HIVEP3: variants seen among roughly 807,000 people sequenced by gnomAD.
HIVEP3 encodes HIVEP zinc finger 3.
In HIVEP3, 49 loss-of-function variants were observed where a neutral mutation model predicts 152.8. The ratio of observed to expected loss-of-function variants is 0.32; its 90% CI spans 0.26 to 0.41. The LOEUF (loss-of-function observed/expected upper bound fraction) is 0.41. Among genes scored for constraint, HIVEP3 ranks in the 10% least tolerant of loss-of-function variants. The pLI is 1.00. For synonymous variants in HIVEP3, 1,269 were observed against 1,289.0 expected, an observed-to-expected ratio of 0.98 and a Z score of 0.33; for missense variants, 2,790 against 3,103.3, an observed-to-expected ratio of 0.90 and a Z score of 2.40.
intron 2 of HIVEP3, among the ~76,000 whole-genome samples, chr1:41,639,630 G>A (rs1430223097): frequency 6.6e-6 from 1 of 151,998 alleles, no homozygotes; most frequent in Non-Finnish European, 1.5e-5. Flanking sequence ...GGGGTTTGGG[G>A]TTGGCTCTGT....
chr1:41,953,062 G>C (rs1414942666), intron 1 of HIVEP3, among the ~76,000 whole-genome samples: 1 of 152,120 alleles, frequency 6.6e-6, no homozygotes, highest in Non-Finnish European at 1.5e-5. Context: ...CACTGCTCCT[G>C]GTTATGGGCT....
chr1:41,776,431 A>G (rs975659269), intron 1 of HIVEP3, among the ~76,000 whole-genome samples: 2 of 152,248 alleles, frequency 1.3e-5, no homozygotes, highest in Non-Finnish European at 2.9e-5. Flanking sequence ...CTCTGGGGGC[A>G]GGGTCAGGCT....
chr1:41,724,191 C>T lies in HIVEP3; in HGVS notation c.-800-23196G>A, dbSNP rs958856060. On this transcript the variant is annotated intron_variant, in intron 1 of 8. Transcript: ENST00000372583. Reference sequence around the variant, plus strand: ...CACTATCCACTGTCACCTTCCGAAGCCACTCCAAATGAGCAAACATAAACT... The same window carrying T: ...CACTATCCACTGTCACCTTCCGAAGTCACTCCAAATGAGCAAACATAAACT... Among the ~76,000 whole-genome samples the T allele has an allele frequency of 2.6e-5, 4 of 152,178 alleles. No homozygotes were observed. In the East Asian group the frequency reaches 7.7e-4, roughly 29 times the overall value.
chr1:41,613,989 C>G (rs112147695), intron 3 of HIVEP3, among the ~76,000 whole-genome samples: 3,876 of 152,318 alleles, frequency 0.025, 69 homozygotes, highest in Middle Eastern at 0.054. Flanking sequence ...TCAGTGTTTC[C>G]TGGTGTTTCT....
At chr1:41,788,287 G>A (rs1042441329) in intron 1 of HIVEP3, among the ~76,000 whole-genome samples, 8 of 152,182 alleles carry the variant, frequency 5.3e-5, no homozygotes, top group South Asian at 2.1e-4. Context: ...TGGTCCCTGC[G>A]GCTAATGGTC....
At chr1:41,946,461 T>C (rs1396580929) in intron 1 of HIVEP3, among the ~76,000 whole-genome samples, 1 of 152,184 alleles carries the variant, frequency 6.6e-6, no homozygotes, top group Non-Finnish European at 1.5e-5. Context: ...TCTGTCACTA[T>C]CCGAGGGGGT....
intron 1 of HIVEP3, among the ~76,000 whole-genome samples, chr1:41,966,083 T>C (rs1410193984): frequency 6.6e-6 from 1 of 152,166 alleles, no homozygotes; most frequent in Non-Finnish European, 1.5e-5. Context: ...TTCAACATTC[T>C]TAAAGAAAAG....
intron 2 of HIVEP3, among the ~76,000 whole-genome samples, chr1:41,666,521 A>C (rs1645798665): frequency 6.6e-6 from 1 of 152,210 alleles, no homozygotes; most frequent in Non-Finnish European, 1.5e-5. Context: ...TTCAGTGTAC[A>C]AAATAGTAGG....
intron 1 of HIVEP3, among the ~76,000 whole-genome samples, chr1:41,877,679 AG>A (rs11316275): frequency 0.79 from 119,558 of 151,968 alleles, 47,409 homozygotes; most frequent in East Asian, 1. Flanking sequence ...TGGGTTTCAT[AG>A]GTCAATGGTT....
intron 1 of HIVEP3, among the ~76,000 whole-genome samples, chr1:41,755,233 A>G (rs1647258032): frequency 6.6e-6 from 1 of 152,230 alleles, no homozygotes; most frequent in African/African-American, 2.4e-5. Flanking sequence ...AAGCGGTGCT[A>G]GAAATATTAG....
intron 1 of HIVEP3, among the ~76,000 whole-genome samples, chr1:41,939,891 TTTTTTC>T (rs1645037346): frequency 6.6e-6 from 1 of 152,026 alleles, no homozygotes; most frequent in Non-Finnish European, 1.5e-5. Context: ...CCATTTTTCT[TTTTTTC>T]TTTTTCTTTA....
intron 1 of HIVEP3, among the ~76,000 whole-genome samples, chr1:41,904,165 G>A (rs994312574): frequency 6.6e-6 from 1 of 151,970 alleles, no homozygotes; most frequent in African/African-American, 2.4e-5. Flanking sequence ...CCAAAGTCTT[G>A]GGATTACAGG....
intron 1 of HIVEP3, among the ~76,000 whole-genome samples, chr1:41,857,722 G>A (rs147465805): frequency 4.6e-4 from 70 of 152,286 alleles, no homozygotes; most frequent in East Asian, 7.7e-4. Flanking sequence ...CCTGAGAAAA[G>A]GACTTGCTCA....
At chr1:41,532,041 G>A (rs1643274494) in intron 5 of HIVEP3, among the ~76,000 whole-genome samples, 1 of 134,192 alleles carries the variant, frequency 7.5e-6, no homozygotes, top group Admixed American at 7.2e-5. Flanking sequence ...GGGAGATAGA[G>A]GACAGGAGAG....
chr1:41,702,292 C>A (rs377271219), intron 1 of HIVEP3, among the ~76,000 whole-genome samples: 1 of 152,192 alleles, frequency 6.6e-6, no homozygotes, highest in Non-Finnish European at 1.5e-5. Flanking sequence ...CCTTGAGAAG[C>A]CTTTCCTTGT....
intron 1 of HIVEP3, among the ~76,000 whole-genome samples, chr1:41,913,272 T>A (rs551177247): frequency 6.6e-6 from 1 of 152,388 alleles, no homozygotes; most frequent in Admixed American, 6.5e-5. Context: ...ACTTGGGGAT[T>A]TGCCAAGGGC....
At chr1:41,938,404 A>G (rs920343686) in intron 1 of HIVEP3, among the ~76,000 whole-genome samples, 5 of 152,194 alleles carry the variant, frequency 3.3e-5, no homozygotes, top group African/African-American at 1.2e-4. Flanking sequence ...CTCAATCAAC[A>G]TCTACTGAAT....
intron 2 of HIVEP3, among the ~76,000 whole-genome samples, chr1:41,670,860 G>A (rs778505323): frequency 3.9e-5 from 6 of 152,222 alleles, no homozygotes; most frequent in Admixed American, 6.5e-5. Context: ...GCAGGCCACC[G>A]TGAGAGCTGT....
chr1:41,772,448 A>C (rs1436876370), intron 1 of HIVEP3, among the ~76,000 whole-genome samples: 7 of 152,182 alleles, frequency 4.6e-5, no homozygotes, highest in Non-Finnish European at 1.0e-4. Flanking sequence ...TCTCAAAGCT[A>C]ATACTATGAT....
Sources: allele counts gnomAD v4.1 joint callset (sites outside exome capture counted in the v4.1 genomes callset), GRCh38; gene constraint gnomAD v4.1.1; transcripts MANE v1.5; gene names NCBI Gene and HGNC (gene_info 2026-07-23, HGNC 2026-07-21).